The following PHF20 variants were observed in gnomAD, a reference collection of about 807,000 sequenced individuals.
PHF20 encodes the protein glioma-expressed antigen 2.
A neutral mutation model predicts 113.5 loss-of-function variants in PHF20; 23 were observed. The observed-to-expected ratio is 0.20, with a 90% CI of 0.15 to 0.29. The LOEUF (loss-of-function observed/expected upper bound fraction) is 0.29, where lower values mean the gene tolerates loss of function less well. PHF20 is among the 10% of genes least tolerant of loss of function. The pLI is 1.00. For synonymous variants in PHF20, 434 were observed against 457.3 expected (o/e 0.95, Z 0.65); for missense variants, 943 against 1,219.6 (o/e 0.77, Z 3.38).
At chr20:35,813,138 T>G (rs968420676) in intron 2 of PHF20, among the ~76,000 whole-genome samples, 18 of 152,050 alleles carry the variant, frequency 1.2e-4, no homozygotes, top group African/African-American at 4.3e-4. Context: ...CGGCTAATTT[T>G]TTTTGTATTT....
chr20:35,908,299 T>A (rs1466590135), intron 10 of PHF20, among the ~76,000 whole-genome samples: 7 of 152,242 alleles, frequency 4.6e-5, no homozygotes, highest in Admixed American at 4.6e-4. Flanking sequence ...CAGTCCTTGC[T>A]GGGCAATTCT....
At chr20:35,902,929 C>A (rs936000379) in intron 10 of PHF20, among the ~76,000 whole-genome samples, 104 of 151,996 alleles carry the variant, frequency 6.8e-4, no homozygotes, top group African/African-American at 2.4e-3. Context: ...CTGAACTCAG[C>A]CAACCACTGA....
intron 2 of PHF20, among the ~76,000 whole-genome samples, chr20:35,818,186 G>A (rs1174421104): frequency 1.3e-5 from 2 of 151,982 alleles, no homozygotes; most frequent in South Asian, 4.2e-4. Flanking sequence ...GAGGTGGGAG[G>A]CTTGCTTGAA....
intron 2 of PHF20, among the ~76,000 whole-genome samples, chr20:35,808,042 A>G (rs2041915047): frequency 6.6e-6 from 1 of 152,268 alleles, no homozygotes; most frequent in East Asian, 1.9e-4. Context: ...AGGAAGCAAA[A>G]GCGGCCATGT....
chr20:35,850,811 G>A lies in PHF20; in HGVS notation c.340+3377G>A, dbSNP rs962113557. On this transcript the variant is annotated intron_variant, in intron 4 of 17. Transcript: ENST00000374012. Reference sequence around the variant, plus strand: ...TAGCTAATACAGTATTACCATATTTGTTATGAAAATCAGGTGTATGTTTCT... The same window carrying A: ...TAGCTAATACAGTATTACCATATTTATTATGAAAATCAGGTGTATGTTTCT... The A allele has an allele frequency of 5.0e-6, 5 of 1,003,884 alleles. No homozygotes were observed. The African/African-American group carries it at 8.0e-5, about 16-fold the overall frequency. The allele number at this position is 1,003,884 out of a possible 1,614,324, so 62.2% of individuals were successfully genotyped here. A position where few individuals can be genotyped will look rare whatever the true frequency, so the allele number is the denominator to read the frequency against.
intron 3 of PHF20, 81 bp from the exon 4 acceptor site, chr20:35,847,269 T>G: frequency 1.1e-6 from 1 of 871,930 alleles, no homozygotes; most frequent in Non-Finnish European, 1.8e-6. Flanking sequence ...CCCAGCTTCT[T>G]TTATGAGATC....
In PHF20 at chr20:35,826,977, T is replaced by C. The variant is rs183653742; in HGVS notation, c.84-15596T>C. ...TAGCAGTTTTTCTGCAGTTTAATAG[T>C]CAGCCTTTTGTTTTTTACTAAATAT... On this transcript the variant is annotated intron_variant, in intron 2 of 17. Coordinates refer to ENST00000374012, the MANE Select transcript of PHF20 (RefSeq NM_016436.5). 5.3e-5 allele frequency among the ~76,000 whole-genome samples: 8 copies of C among 151,114 alleles called. No homozygotes were observed. In the East Asian group the frequency reaches 1.6e-3, roughly 30 times the overall value.
In PHF20 at chr20:35,899,553, C is replaced by T. The variant is rs553915565; in HGVS notation, c.1466C>T (p.Pro489Leu). 2.6e-5 allele frequency: 42 copies of T among 1,614,020 alleles called. No homozygotes were observed. The highest frequency in any genetic ancestry group is 6.7e-5 in the East Asian group (3 of 44,864). ...AAGTCACTGGAGCCAGAAGAGAGCCCGGGAAAGAGGCATGTCCAAACCAGG... is the reference window on the plus strand; with the variant it reads ...AAGTCACTGGAGCCAGAAGAGAGCCTGGGAAAGAGGCATGTCCAAACCAGG... ...MEKSLEPEES[P>L]GKRHVQTRGP... Residue 489 changes from proline to leucine, a missense_variant, in exon 10 of 18, where the codon CCG becomes CTG. This residue lies in a region of PHF20 where 592 missense variants were observed against 787.2 expected (regional missense o/e 0.75). Transcript: ENST00000374012.
In PHF20 at chr20:35,927,949, T is replaced by A. The variant is rs1031093467; in HGVS notation, c.2104+70T>A. 5.6e-6 allele frequency: 6 copies of A among 1,068,610 alleles called. No individual in the cohort carries two copies. In the Admixed American group the frequency reaches 1.0e-4, roughly 18 times the overall value. The allele number at this position is 1,068,610 out of a possible 1,614,324, so 66.2% of individuals were successfully genotyped here. Reference sequence around the variant, plus strand: ...CCTTGGCACAGCTGGCTGTGACACATTCTAAATGTCTGCGGTCTTGAGACT... The same window carrying A: ...CCTTGGCACAGCTGGCTGTGACACAATCTAAATGTCTGCGGTCTTGAGACT... On this transcript the variant is annotated intron_variant, in intron 14 of 17. Transcript: ENST00000374012.
intron 6 of PHF20, among the ~76,000 whole-genome samples, chr20:35,864,898 G>T (rs1278183653): frequency 6.6e-6 from 1 of 152,106 alleles, no homozygotes; most frequent in Admixed American, 6.6e-5. Flanking sequence ...AACACACCTC[G>T]ATTTTAAAAT....
At chr20:35,831,186 G>A (rs921516611) in intron 2 of PHF20, among the ~76,000 whole-genome samples, 3 of 139,468 alleles carry the variant, frequency 2.2e-5, no homozygotes, top group African/African-American at 8.6e-5. Context: ...TTTATTTTGG[G>A]TCTCACTCTA....
chr20:35,861,955 C>T (rs886701272), intron 5 of PHF20, among the ~76,000 whole-genome samples: 6 of 152,156 alleles, frequency 3.9e-5, no homozygotes, highest in Admixed American at 2.0e-4. Flanking sequence ...ATGGTGGTCT[C>T]TGCTCTTTTG....
At chr20:35,775,590 C>T (rs555235709) in intron 1 of PHF20, among the ~76,000 whole-genome samples, 2 of 151,864 alleles carry the variant, frequency 1.3e-5, no homozygotes, top group South Asian at 4.2e-4. Context: ...CCTGTCTCTA[C>T]TAAAAATAGA....
At chr20:35,904,452 T>G (rs544046682) in intron 10 of PHF20, among the ~76,000 whole-genome samples, 3 of 151,744 alleles carry the variant, frequency 2.0e-5, no homozygotes, top group African/African-American at 7.3e-5. Context: ...ACCCAGCTAA[T>G]TTTTGTATTT....
At chr20:35,853,245 A>T (rs1466724948) in intron 4 of PHF20, 1 of 152,080 alleles carries the variant, frequency 6.6e-6, no homozygotes, top group Non-Finnish European at 1.5e-5. Flanking sequence ...AAGAAAGAAA[A>T]AAAAAGAAAA....
chr20:35,931,552 A>G, intron 15 of PHF20, 108 bp downstream of exon 15: 2 of 780,582 alleles, frequency 2.6e-6, no homozygotes, highest in South Asian at 2.3e-5. Flanking sequence ...CATAAAACTG[A>G]GTTTGAGACC....
intron 2 of PHF20, among the ~76,000 whole-genome samples, chr20:35,827,511 G>A (rs2042281194): frequency 6.6e-6 from 1 of 151,960 alleles, no homozygotes; most frequent in Admixed American, 6.6e-5. Context: ...ATAGCCGGGT[G>A]CGGTGGCTCA....
intron 1 of PHF20, among the ~76,000 whole-genome samples, chr20:35,801,236 G>GTGGCCCT (rs2041775019): frequency 6.6e-6 from 1 of 152,156 alleles, no homozygotes; most frequent in African/African-American, 2.4e-5. Context: ...GTTCTGAGGG[G>GTGGCCCT]TGGCCCTTGG....
chr20:35,895,818 T>C (rs2054970427), intron 9 of PHF20, among the ~76,000 whole-genome samples: 1 of 151,718 alleles, frequency 6.6e-6, no homozygotes, highest in Admixed American at 6.6e-5. Flanking sequence ...CCGGAGTTGC[T>C]GGGATTATAG....
Sources: gnomAD v4.1 joint callset for allele counts (sites outside exome capture counted in the v4.1 genomes callset) on GRCh38, gnomAD v4.1.1 for gene constraint, gnomAD v4.1.1 regional missense constraint, MANE v1.5 for transcripts, NCBI Gene and HGNC (gene_info 2026-07-23, HGNC 2026-07-21) for gene names.